PCDH15: variants seen among roughly 807,000 people sequenced by gnomAD.
PCDH15 encodes protocadherin related 15, also known as protocadherin-15.
Under a neutral mutation model 178.5 loss-of-function variants are expected in PCDH15, and 129 were observed. That is an observed-to-expected ratio of 0.72 (90% CI 0.63 to 0.84). The LOEUF (loss-of-function observed/expected upper bound fraction) is 0.84, where lower values mean the gene tolerates loss of function less well. Among genes scored for constraint, PCDH15 ranks in the 40% least tolerant of loss-of-function variants. The pLI is 0.00. For missense variants in PCDH15, 2,230 were observed against 2,099.9 expected (o/e 1.06, Z -1.21); for synonymous variants, 800 against 732.0 (o/e 1.09, Z -1.50).
intron 1 of PCDH15, among the ~76,000 whole-genome samples, chr10:54,767,720 A>G (rs1948671670): frequency 6.6e-6 from 1 of 152,184 alleles, no homozygotes; most frequent in African/African-American, 2.4e-5. Context: ...AGTCTTATCA[A>G]TAGGAAAAGC....
At chr10:55,183,022 A>G (rs1839694159) in intron 1 of PCDH15, among the ~76,000 whole-genome samples, 1 of 151,956 alleles carries the variant, frequency 6.6e-6, no homozygotes, top group African/African-American at 2.4e-5. Flanking sequence ...CTCCTTCCTT[A>G]TGGCTTCACA....
chr10:55,428,532 T>C (rs1036836985), intron 2 of PCDH15, among the ~76,000 whole-genome samples: 2 of 151,848 alleles, frequency 1.3e-5, no homozygotes, highest in African/African-American at 2.4e-5. Flanking sequence ...GATACATACA[T>C]ATGTATATAT....
intron 29 of PCDH15, among the ~76,000 whole-genome samples, chr10:53,839,120 C>T (rs144733085): frequency 0.011 from 1,612 of 142,154 alleles, 33 homozygotes; most frequent in African/African-American, 0.04. Context: ...AGGAGAATGG[C>T]GTGAACCCGG....
intron 9 of PCDH15, among the ~76,000 whole-genome samples, chr10:54,219,360 A>G (rs1336667070): frequency 6.8e-6 from 1 of 146,946 alleles, no homozygotes; most frequent in Admixed American, 6.8e-5. Flanking sequence ...GGAGGCCGAG[A>G]CGGGCAGATC....
At chr10:55,178,461 G>C (rs144087256) in intron 1 of PCDH15, among the ~76,000 whole-genome samples, 10 of 152,288 alleles carry the variant, frequency 6.6e-5, no homozygotes, top group African/African-American at 2.2e-4. Context: ...CCAATGGAAA[G>C]TTCTTCAAAT....
intron 13 of PCDH15, among the ~76,000 whole-genome samples, chr10:54,163,422 C>T (rs370728509): frequency 1.6e-4 from 23 of 140,538 alleles, no homozygotes; most frequent in South Asian, 6.8e-4. Flanking sequence ...AGAGAGAGAG[C>T]GAGAGGAGAA....
chr10:54,715,024 AT>A (rs983164222), intron 1 of PCDH15, among the ~76,000 whole-genome samples: 1 of 152,110 alleles, frequency 6.6e-6, no homozygotes, highest in African/African-American at 2.4e-5. Context: ...TATTAAGCAC[AT>A]ATTTGTTTGC....
chr10:53,937,782 C>A (rs914635811), intron 25 of PCDH15, among the ~76,000 whole-genome samples: 8 of 152,126 alleles, frequency 5.3e-5, no homozygotes, highest in Admixed American at 3.3e-4. Context: ...GTCTTGCTTT[C>A]TTTTCTCTCA....
chr10:55,235,862 G>T (rs936632501), intron 1 of PCDH15, among the ~76,000 whole-genome samples: 3 of 143,050 alleles, frequency 2.1e-5, no homozygotes, highest in Non-Finnish European at 4.5e-5. Flanking sequence ...AGCCGAGACT[G>T]CGCCACTGCA....
intron 3 of PCDH15, among the ~76,000 whole-genome samples, chr10:54,449,841 G>C (rs1407513048): frequency 1.3e-5 from 2 of 151,662 alleles, no homozygotes; most frequent in African/African-American, 4.8e-5. Context: ...GGGGATGGGA[G>C]GTAGGGCGGC....
intron 2 of PCDH15, among the ~76,000 whole-genome samples, chr10:54,898,437 T>A (rs1158615820): frequency 3.9e-5 from 6 of 152,096 alleles, no homozygotes; most frequent in Admixed American, 3.9e-4. Flanking sequence ...AGACAAGATA[T>A]CTAAGTTAAT....
At chr10:54,917,779 C>G (rs562816426) in intron 2 of PCDH15, among the ~76,000 whole-genome samples, 1 of 152,244 alleles carries the variant, frequency 6.6e-6, no homozygotes, top group East Asian at 1.9e-4. Flanking sequence ...GGAAGGTTCT[C>G]TGTGAATGTA....
rs140237105 is a variant in PCDH15 at position 55,149,300 on chromosome 10, A to G, written c.-80+17276T>C. Reference sequence around the variant, plus strand: ...AAAAATATTCTAGCACTTATTTAATAATTTTTACATAAAACATACATTTTC... The same window carrying G: ...AAAAATATTCTAGCACTTATTTAATGATTTTTACATAAAACATACATTTTC... On this transcript the variant is annotated intron_variant, in intron 2 of 5. Transcript: ENST00000458638. 3.5e-3 allele frequency among the ~76,000 whole-genome samples: 534 copies of G among 151,970 alleles called. 3 individuals carry two copies. Among genetic ancestry groups the G allele is most frequent in the African/African-American group, 0.012 (518 of 41,542 alleles).
At chr10:55,082,337 T>C (rs1462339412) in intron 2 of PCDH15, among the ~76,000 whole-genome samples, 3 of 151,218 alleles carry the variant, frequency 2.0e-5, no homozygotes, top group African/African-American at 7.3e-5. Flanking sequence ...ATGAAAAAAA[T>C]TAGAAGAAAA....
At chr10:53,888,701 A>ATATATATC (rs1201972068) in intron 26 of PCDH15, among the ~76,000 whole-genome samples, 1 of 26,806 alleles carries the variant, frequency 3.7e-5, no homozygotes. Context: ...ATATATATAT[A>ATATATATC]TATCTCCTGT....
chr10:54,162,114 T>C (rs922398245), intron 13 of PCDH15, among the ~76,000 whole-genome samples: 2 of 152,200 alleles, frequency 1.3e-5, no homozygotes, highest in Non-Finnish European at 2.9e-5. Flanking sequence ...TCCATTTTTT[T>C]CTGCTACATT....
At chr10:54,615,250 A>G (rs1015933730) in intron 2 of PCDH15, among the ~76,000 whole-genome samples, 1 of 152,022 alleles carries the variant, frequency 6.6e-6, no homozygotes, top group Non-Finnish European at 1.5e-5. Flanking sequence ...GGTTATTTCT[A>G]TTGGCAGCCA....
intron 3 of PCDH15, among the ~76,000 whole-genome samples, chr10:54,519,097 C>G (rs1288045850): frequency 6.6e-6 from 1 of 152,160 alleles, no homozygotes; most frequent in Non-Finnish European, 1.5e-5. Flanking sequence ...AAACCCACAG[C>G]CAACATCATA....
intron 2 of PCDH15, among the ~76,000 whole-genome samples, chr10:55,042,405 T>C (rs1840886161): frequency 2.0e-5 from 3 of 152,052 alleles, no homozygotes; most frequent in Non-Finnish European, 2.9e-5. Context: ...TGAAGTGGTA[T>C]TGGAGAGGAG....
Sources: gnomAD v4.1 joint callset for allele counts (sites outside exome capture counted in the v4.1 genomes callset) on GRCh38, gnomAD v4.1.1 for gene constraint, MANE v1.5 for transcripts, NCBI Gene and HGNC (gene_info 2026-07-23, HGNC 2026-07-21) for gene names.